The following MTSS1 variants were observed in gnomAD, a reference collection of about 807,000 sequenced individuals.
MTSS1 encodes the protein MTSS I-BAR domain containing 1, also known as protein MTSS 1.
MTSS1 carries 18 observed loss-of-function variants against 79.0 expected under a neutral mutation model. The observed-to-expected ratio is 0.23, with a 90% CI of 0.16 to 0.34. The LOEUF (loss-of-function observed/expected upper bound fraction) is 0.34, where lower values mean the gene tolerates loss of function less well. MTSS1 is among the 10% of genes least tolerant of loss of function. The pLI is 1.00. For missense variants in MTSS1, 815 were observed against 986.2 expected, an observed-to-expected ratio of 0.83 and a Z score of 2.33; for synonymous variants, 341 against 368.6, an observed-to-expected ratio of 0.93 and a Z score of 0.86.
chr8:124,596,284 CCAA>C (rs1192846443), intron 3 of MTSS1, among the ~76,000 whole-genome samples: 1 of 152,088 alleles, frequency 6.6e-6, no homozygotes, highest in Admixed American at 6.5e-5. Flanking sequence ...GAACCAGGAA[CCAA>C]CGTGTTGCTA....
At chr8:124,581,601 G>A (rs1489326540) in intron 6 of MTSS1, among the ~76,000 whole-genome samples, 3 of 151,808 alleles carry the variant, frequency 2.0e-5, no homozygotes, top group Admixed American at 6.6e-5. Flanking sequence ...GACTACAGGC[G>A]CCCGCCACCA....
intron 8 of MTSS1, 112 bp downstream of exon 8, chr8:124,566,959 G>A (rs1173012628): frequency 5.2e-6 from 4 of 766,218 alleles, no homozygotes; most frequent in East Asian, 2.5e-5. Context: ...CATGAAGGAC[G>A]TGGTGAATAT....
At chr8:124,563,251 T>C in intron 9 of MTSS1, 2 of 499,842 alleles carry the variant, frequency 4.0e-6, no homozygotes, top group South Asian at 4.3e-5. Flanking sequence ...AGGTCTCCGA[T>C]GGTAACCATG....
At chr8:124,603,893 T>C (rs1834347324) in intron 3 of MTSS1, among the ~76,000 whole-genome samples, 1 of 152,294 alleles carries the variant, frequency 6.6e-6, no homozygotes, top group South Asian at 2.1e-4. Flanking sequence ...ATCTTTTGGC[T>C]TCTCTGGGCC....
At chr8:124,609,209 G>A (rs1009556509) in intron 3 of MTSS1, among the ~76,000 whole-genome samples, 3 of 152,186 alleles carry the variant, frequency 2.0e-5, no homozygotes, top group African/African-American at 7.2e-5. Flanking sequence ...AAAGGACACA[G>A]GGTCTGCTGC....
At position 124,553,978 on chromosome 8, in the gene MTSS1, C is replaced by T. The variant is rs1823037522; in HGVS notation, c.1568-286G>A. Among the ~76,000 whole-genome samples the T allele has an allele frequency of 2.0e-5, 3 of 152,136 alleles. No individual in the cohort carries two copies. Among genetic ancestry groups the T allele is most frequent in the Admixed American group, 2.0e-4 (3 of 15,278 alleles). On this transcript the variant is annotated intron_variant, in intron 13 of 13. Coordinates refer to ENST00000518547, the MANE Select transcript of MTSS1 (RefSeq NM_014751.6). This position sits in a 1 kb window ranked among gnomAD's most constrained non-coding sequence, Gnocchi z 6.0. ...AGAAGGTAAAGCTGCTAGGCTGCAG[C>T]GAAGCTACCTGCAAGCGTCTCTGGG...
intron 3 of MTSS1, among the ~76,000 whole-genome samples, chr8:124,682,683 C>T (rs1425617351): frequency 6.6e-6 from 1 of 152,212 alleles, no homozygotes; most frequent in Non-Finnish European, 1.5e-5. Context: ...TGGCTAACTG[C>T]AAGGCCAGCT....
chr8:124,608,673 C>A (rs1349242940), intron 3 of MTSS1, among the ~76,000 whole-genome samples: 1 of 152,188 alleles, frequency 6.6e-6, no homozygotes, highest in Non-Finnish European at 1.5e-5. Context: ...AGAATGAGCT[C>A]TTCATAGACA....
At chr8:124,707,158 A>G (rs1355427292) in intron 1 of MTSS1, among the ~76,000 whole-genome samples, 1 of 152,172 alleles carries the variant, frequency 6.6e-6, no homozygotes, top group Non-Finnish European at 1.5e-5. Context: ...ACAAGGAAGA[A>G]GGACCAAAGA....
intron 1 of MTSS1, among the ~76,000 whole-genome samples, chr8:124,720,109 A>T (rs1354983693): frequency 6.6e-6 from 1 of 152,250 alleles, no homozygotes; most frequent in Non-Finnish European, 1.5e-5. Flanking sequence ...CCAGAGAATA[A>T]GGTCACTGTC....
chr8:124,720,593 G>A (rs935599803), intron 1 of MTSS1, among the ~76,000 whole-genome samples: 2 of 152,142 alleles, frequency 1.3e-5, no homozygotes, highest in South Asian at 2.1e-4. Context: ...ATGCAAATAG[G>A]TCCTGCTGGG....
rs76643435 is a variant in MTSS1, at chr8:124,701,077, T to A, written c.135-1478A>T. 2.5e-3 allele frequency among the ~76,000 whole-genome samples: 383 copies of A among 151,938 alleles called. 4 individuals are homozygous for A. The highest frequency in any genetic ancestry group is 8.8e-3 in the African/African-American group (363 of 41,434). The stretch of plus-strand genomic sequence containing the variant: ...ACTCCATTCTCTACACACAAAAAAA[T>A]TGTTTTTAAATTAGCCGGGCACAGT... On this transcript the variant is annotated intron_variant, in intron 2 of 13. Coordinates refer to ENST00000518547, the MANE Select transcript of MTSS1 (RefSeq NM_014751.6).
rs3116122 is a variant in MTSS1, at chr8:124,683,158, A to C, written c.208+16368T>G. Among the ~76,000 whole-genome samples, 3 of 147,764 alleles carry C rather than the reference A, an allele frequency of 2.0e-5. No homozygotes were observed. Among genetic ancestry groups the C allele is most frequent in the African/African-American group, 7.6e-5 (3 of 39,442 alleles). ...GACAGCACTTCCATTTAAAGTAAGC[A>C]AAAAAAAAAGAAAAAAAGTTTCTTA... On this transcript the variant is annotated intron_variant, in intron 3 of 13. Coordinates refer to ENST00000518547, the MANE Select transcript of MTSS1 (RefSeq NM_014751.6). The surrounding 1 kb of genome is among the most constrained non-coding windows in gnomAD (Gnocchi z 4.5).
intron 3 of MTSS1, among the ~76,000 whole-genome samples, chr8:124,643,274 T>C (rs914858031): frequency 6.6e-6 from 1 of 152,132 alleles, no homozygotes; most frequent in Non-Finnish European, 1.5e-5. Context: ...TTCTGCAGCA[T>C]CATTTAGAAT....
chr8:124,651,325 A>C (rs1292597523), intron 3 of MTSS1, among the ~76,000 whole-genome samples: 1 of 152,240 alleles, frequency 6.6e-6, no homozygotes, highest in Non-Finnish European at 1.5e-5. Context: ...TGGCAGTTCA[A>C]GAACTTGAGC....
At chr8:124,590,729 T>TCACC (rs1183004821) in intron 4 of MTSS1, among the ~76,000 whole-genome samples, 1 of 152,188 alleles carries the variant, frequency 6.6e-6, no homozygotes, top group East Asian at 1.9e-4. Context: ...AAGCTGGCGG[T>TCACC]GTGGAGTGGT....
chr8:124,639,111 C>T (rs375571675), intron 3 of MTSS1, among the ~76,000 whole-genome samples: 2 of 152,246 alleles, frequency 1.3e-5, no homozygotes, highest in African/African-American at 2.4e-5. Flanking sequence ...CCAAGGCAGG[C>T]GGATCACTAG....
intron 10 of MTSS1, chr8:124,558,959 G>T: frequency 7.8e-7 from 1 of 1,285,578 alleles, no homozygotes; most frequent in Non-Finnish European, 1.0e-6. Context: ...GAAAGAGACA[G>T]ACATATACAC....
At chr8:124,603,942 T>A (rs1319117328) in intron 3 of MTSS1, among the ~76,000 whole-genome samples, 1 of 152,140 alleles carries the variant, frequency 6.6e-6, no homozygotes, top group East Asian at 1.9e-4. Flanking sequence ...TAAAATACAC[T>A]AATGATAGCT....
Sources: gnomAD v4.1 joint callset for allele counts (sites outside exome capture counted in the v4.1 genomes callset) on GRCh38, gnomAD v4.1.1 for gene constraint, Gnocchi (gnomAD v3.1) non-coding constraint, MANE v1.5 for transcripts, NCBI Gene and HGNC (gene_info 2026-07-23, HGNC 2026-07-21) for gene names.